Variants in CFAP299 observed in about 807,000 individuals in gnomAD.
CFAP299 encodes cilia and flagella associated protein 299.
In CFAP299, 21 loss-of-function variants were observed where a neutral mutation model predicts 27.0. That is an observed-to-expected ratio of 0.78 (90% CI 0.55 to 1.12). The LOEUF (loss-of-function observed/expected upper bound fraction) is 1.12, where lower values mean the gene tolerates loss of function less well. CFAP299 is among the 50% of genes most tolerant of loss of function. The pLI, the probability that CFAP299 is intolerant of heterozygous loss-of-function variation, is 0.00. For synonymous variants in CFAP299, 104 were observed against 98.1 expected, an observed-to-expected ratio of 1.06 and a Z score of -0.36; for missense variants, 310 against 276.6, an observed-to-expected ratio of 1.12 and a Z score of -0.86.
intron 2 of CFAP299, among the ~76,000 whole-genome samples, chr4:80,494,586 C>T (rs1731338501): frequency 6.6e-6 from 1 of 152,182 alleles, no homozygotes; most frequent in African/African-American, 2.4e-5. Flanking sequence ...CCACCCTAGC[C>T]TCCTTTCAGT....
chr4:80,820,287 A>G (rs573498424), intron 3 of CFAP299, among the ~76,000 whole-genome samples: 86 of 152,268 alleles, frequency 5.6e-4, no homozygotes, highest in Non-Finnish European at 1.1e-3. Flanking sequence ...TTGAATTTCT[A>G]CTATATGAAG....
intron 2 of CFAP299, among the ~76,000 whole-genome samples, chr4:80,446,331 C>T (rs1027682627): frequency 6.6e-6 from 1 of 152,144 alleles, no homozygotes; most frequent in African/African-American, 2.4e-5. Context: ...AGGAAGGGGG[C>T]AAGGACTTGT....
intron 2 of CFAP299, among the ~76,000 whole-genome samples, chr4:80,483,527 C>G (rs1730668943): frequency 6.6e-6 from 1 of 151,858 alleles, no homozygotes; most frequent in Admixed American, 6.6e-5. Flanking sequence ...TATCCATAAT[C>G]TTGTATAATG....
At chr4:80,650,320 T>G (rs1312761736) in intron 3 of CFAP299, among the ~76,000 whole-genome samples, 1 of 152,026 alleles carries the variant, frequency 6.6e-6, no homozygotes, top group Non-Finnish European at 1.5e-5. Context: ...GATATAACAT[T>G]TATATGTACA....
chr4:80,338,765 C>T (rs763845272), intron 1 of CFAP299, among the ~76,000 whole-genome samples: 1 of 152,176 alleles, frequency 6.6e-6, no homozygotes, highest in Non-Finnish European at 1.5e-5. Context: ...ATAATGCTTA[C>T]AGTCCGGTCT....
chr4:80,674,953 G>T (rs1241732922), intron 3 of CFAP299, among the ~76,000 whole-genome samples: 1 of 152,146 alleles, frequency 6.6e-6, no homozygotes, highest in South Asian at 2.1e-4. Flanking sequence ...TAGCTTCCTT[G>T]CAATGTGTTT....
intron 4 of CFAP299, among the ~76,000 whole-genome samples, chr4:80,914,013 T>C (rs932898762): frequency 6.6e-6 from 1 of 152,194 alleles, no homozygotes; most frequent in Non-Finnish European, 1.5e-5. Context: ...CCATGCGTTC[T>C]ATTTATCAGT....
intron 2 of CFAP299, among the ~76,000 whole-genome samples, chr4:80,398,816 C>T (rs1048100106): frequency 2.0e-5 from 3 of 152,102 alleles, no homozygotes; most frequent in Non-Finnish European, 4.4e-5. Flanking sequence ...AAAGCAATGA[C>T]AACAAAAGCC....
At chr4:80,759,275 A>T (rs1197256449) in intron 3 of CFAP299, among the ~76,000 whole-genome samples, 1 of 152,184 alleles carries the variant, frequency 6.6e-6, no homozygotes, top group Non-Finnish European at 1.5e-5. Flanking sequence ...CAAGGCAATC[A>T]TGGTACACTA....
intron 3 of CFAP299, among the ~76,000 whole-genome samples, chr4:80,805,166 A>G (rs1433192576): frequency 6.6e-6 from 1 of 152,102 alleles, no homozygotes. Context: ...TGAGAACACA[A>G]GCATAAATCA....
At chr4:80,459,564 G>T (rs1164509607) in intron 2 of CFAP299, among the ~76,000 whole-genome samples, 1 of 152,016 alleles carries the variant, frequency 6.6e-6, no homozygotes, top group Admixed American at 6.6e-5. Flanking sequence ...CTCTCCTTCT[G>T]CCTTATGCCC....
At chr4:80,493,800 G>A (rs1200835590) in intron 2 of CFAP299, among the ~76,000 whole-genome samples, 8 of 102,922 alleles carry the variant, frequency 7.8e-5, no homozygotes, top group Non-Finnish European at 1.2e-4. Flanking sequence ...ACGGAGTCTC[G>A]CTCTGTCGCC....
intron 4 of CFAP299, among the ~76,000 whole-genome samples, chr4:80,943,755 G>A (rs913030746): frequency 6.6e-6 from 1 of 152,036 alleles, no homozygotes; most frequent in East Asian, 1.9e-4. Context: ...GAAAAAATAG[G>A]AAGTTTCTGT....
At chr4:80,389,310 A>C (rs1381609567) in intron 2 of CFAP299, among the ~76,000 whole-genome samples, 1 of 151,878 alleles carries the variant, frequency 6.6e-6, no homozygotes, top group African/African-American at 2.4e-5. Context: ...CTTTCTAATC[A>C]CCCTACACTC....
chr4:80,386,636 T>A, intron 2 of CFAP299: 2 of 1,596,520 alleles, frequency 1.3e-6, no homozygotes, highest in Non-Finnish European at 8.6e-7. Context: ...GCGGAACTTG[T>A]AGTAGCCCGT....
intron 2 of CFAP299, chr4:80,386,235 C>G: frequency 2.8e-6 from 3 of 1,073,496 alleles, no homozygotes; most frequent in Admixed American, 4.1e-5. Flanking sequence ...GGCCCTCGGC[C>G]CCGGCCTGCA....
chr4:80,448,844 A>G (rs540182514), intron 2 of CFAP299, among the ~76,000 whole-genome samples: 15 of 152,232 alleles, frequency 9.9e-5, no homozygotes, highest in Non-Finnish European at 2.2e-4. Context: ...TGCAATATAG[A>G]AACTTACCAA....
intron 3 of CFAP299, among the ~76,000 whole-genome samples, chr4:80,767,563 C>G (rs1426939417): frequency 6.6e-6 from 1 of 152,094 alleles, no homozygotes; most frequent in Non-Finnish European, 1.5e-5. Context: ...GAGCCGAGAT[C>G]GCCCCACTGC....
intron 2 of CFAP299, among the ~76,000 whole-genome samples, chr4:80,480,382 G>A (rs1730502322): frequency 1.3e-5 from 2 of 151,846 alleles, no homozygotes; most frequent in African/African-American, 2.4e-5. Context: ...GCTTTTATAG[G>A]ATGAAAAAGG....
Sources: gnomAD v4.1 joint callset for allele counts (sites outside exome capture counted in the v4.1 genomes callset) on GRCh38, gnomAD v4.1.1 for gene constraint, MANE v1.5 for transcripts, NCBI Gene and HGNC (gene_info 2026-07-23, HGNC 2026-07-21) for gene names.